LDAF1: variants seen among roughly 807,000 people sequenced by gnomAD.
The protein encoded by LDAF1 is PROMETHIN.
A neutral mutation model predicts 13.5 loss-of-function variants in LDAF1; 7 were observed. The observed-to-expected ratio is 0.52, with a 90% CI of 0.29 to 0.97. LDAF1 has a LOEUF of 0.97. Ranked by LOEUF, LDAF1 falls within the 50% of genes least tolerant of loss-of-function variation. The pLI, the probability that LDAF1 is intolerant of heterozygous loss-of-function variation, is 0.07. For synonymous variants in LDAF1, 69 were observed against 77.1 expected, an observed-to-expected ratio of 0.89 and a Z score of 0.55; for missense variants, 148 against 193.2, an observed-to-expected ratio of 0.77 and a Z score of 1.39.
At chr16:21,159,441 T>A in intron 1 of LDAF1, 1 of 1,613,370 alleles carries the variant, frequency 6.2e-7, no homozygotes, top group Non-Finnish European at 8.5e-7. Flanking sequence ...GTAGCTCCCA[T>A]CCCCCAACCA....
chr16:21,160,681 A>G (rs1421054437), intron 1 of LDAF1, among the ~76,000 whole-genome samples: 1 of 152,228 alleles, frequency 6.6e-6, no homozygotes, highest in African/African-American at 2.4e-5. Flanking sequence ...AGATAATACT[A>G]TTAACATTTT....
intron 3 of LDAF1, chr16:21,173,353 T>A (rs1316406405): frequency 6.6e-6 from 1 of 152,380 alleles, no homozygotes; most frequent in Admixed American, 6.6e-5. Context: ...CTCGAGGGGA[T>A]CCCTTTGGAA....
At chr16:21,171,566 A>C (rs938209606) in intron 3 of LDAF1, among the ~76,000 whole-genome samples, 1 of 152,184 alleles carries the variant, frequency 6.6e-6, no homozygotes, top group Non-Finnish European at 1.5e-5. Flanking sequence ...AAATTTATAG[A>C]GAAAGGAGAG....
intron 2 of LDAF1, among the ~76,000 whole-genome samples, chr16:21,168,571 AATATAATATATTT>A (rs975028400): frequency 5.6e-5 from 8 of 144,066 alleles, no homozygotes; most frequent in African/African-American, 7.6e-5. Context: ...TACATATATA[AATATAATATATTT>A]ATATAATATA....
chr16:21,159,831 T>A (rs1202248114), intron 1 of LDAF1: 1 of 873,770 alleles, frequency 1.1e-6, no homozygotes, highest in African/African-American at 1.8e-5. Flanking sequence ...AAAGGAGACC[T>A]GTAAGGGGAA....
intron 4 of LDAF1, among the ~76,000 whole-genome samples, chr16:21,176,480 A>G (rs779172591): frequency 1.3e-5 from 2 of 152,054 alleles, no homozygotes; most frequent in Admixed American, 6.6e-5. Flanking sequence ...ACATCTCTAC[A>G]AAAAATACAA....
chr16:21,169,246 C>T, intron 2 of LDAF1: 1 of 752,014 alleles, frequency 1.3e-6, no homozygotes, highest in Non-Finnish European at 1.6e-6. Context: ...TGCACGACAC[C>T]TGGGGAATCT....
intron 4 of LDAF1, chr16:21,177,093 A>G (rs2093145682): frequency 6.6e-6 from 1 of 152,208 alleles, no homozygotes; most frequent in Non-Finnish European, 1.5e-5. Context: ...ATATTTTCCA[A>G]AACAAAATGA....
intron 2 of LDAF1, among the ~76,000 whole-genome samples, chr16:21,163,913 G>A (rs980915355): frequency 1.2e-4 from 19 of 152,068 alleles, no homozygotes; most frequent in Admixed American, 1.1e-3. Flanking sequence ...TTTTGGCCAC[G>A]CTGATCTCCA....
chr16:21,178,303 C>T (rs1332180066), intron 4 of LDAF1: 1 of 985,254 alleles, frequency 1.0e-6, no homozygotes, highest in East Asian at 1.1e-4. Flanking sequence ...ACCAAACTCA[C>T]TACCCCATAT....
chr16:21,175,729 C>G (rs1039012582), intron 4 of LDAF1, among the ~76,000 whole-genome samples: 5 of 152,104 alleles, frequency 3.3e-5, no homozygotes, highest in African/African-American at 1.2e-4. Context: ...CAAAACAGCC[C>G]TTGAACTCCT....
chr16:21,159,651 G>C (rs560985498), intron 1 of LDAF1, among the ~76,000 whole-genome samples: 7 of 152,356 alleles, frequency 4.6e-5, no homozygotes, highest in Non-Finnish European at 7.4e-5. Context: ...CCCTTCTCGG[G>C]AGACAGCTCC....
In LDAF1 at chr16:21,161,289, A is replaced by AT; in HGVS notation, c.96+11_96+12insT. The AT allele has an allele frequency of 6.2e-7, 1 of 1,613,806 alleles. No homozygotes were observed. The highest frequency in any genetic ancestry group is 8.5e-7 in the Non-Finnish European group (1 of 1,179,986). On this transcript the variant is annotated intron_variant, in intron 2 of 4. Coordinates refer to ENST00000233047, the MANE Select transcript of LDAF1 (RefSeq NM_001301771.2). ...CAGAATAACTCAAAGGTCAGTTTCC[A>AT]ATCACTATGTATAATGGAAAATCCC...
At chr16:21,173,749 C>G (rs1375851886) in intron 3 of LDAF1, among the ~76,000 whole-genome samples, 1 of 152,026 alleles carries the variant, frequency 6.6e-6, no homozygotes, top group South Asian at 2.1e-4. Context: ...GCAAAGCAGC[C>G]CATGTGTGAT....
At chr16:21,177,852 A>C (rs929183253) in intron 4 of LDAF1, among the ~76,000 whole-genome samples, 2 of 152,016 alleles carry the variant, frequency 1.3e-5, no homozygotes, top group African/African-American at 4.8e-5. Flanking sequence ...TCCTGAGCTC[A>C]AGTGATCCAC....
rs1359854054 is a variant in LDAF1 at position 21,179,607 on chromosome 16, A to G, written c.*51A>G. 1 of 1,520,646 alleles carries G rather than the reference A, an allele frequency of 6.6e-7. No individual in the cohort carries two copies. The allele number at this position is 1,520,646 out of a possible 1,614,324, so 94.2% of individuals were successfully genotyped here. ...TTTCAAGTACTGCTGGATCATACTC[A>G]CCCCTTGGGATTATGGCTTAGAAGA... is the stretch of plus-strand genomic sequence containing the variant. On this transcript the variant is annotated 3_prime_UTR_variant, in exon 5 of 5. Coordinates refer to ENST00000233047, the MANE Select transcript of LDAF1 (RefSeq NM_001301771.2).
At chr16:21,176,019 A>G (rs776208015) in intron 4 of LDAF1, among the ~76,000 whole-genome samples, 1 of 152,208 alleles carries the variant, frequency 6.6e-6, no homozygotes, top group Non-Finnish European at 1.5e-5. Flanking sequence ...AACTGGAATT[A>G]TAGGCGTAAG....
chr16:21,178,488 T>A, intron 4 of LDAF1: 2 of 725,112 alleles, frequency 2.8e-6, no homozygotes, highest in Non-Finnish European at 3.4e-6. Flanking sequence ...TTTTATTGCT[T>A]AATGAAAAAC....
Position 21,173,993 on chromosome 16 carries a change from C to T in LDAF1, c.266-17C>T, listed in dbSNP as rs1411532179. On this transcript the variant is annotated splice_polypyrimidine_tract_variant and intron_variant, in intron 3 of 4. Coordinates refer to ENST00000233047, the MANE Select transcript of LDAF1 (RefSeq NM_001301771.2). ...TGTTTGAGATGAACCCTTCTCCTAACCACGTTCTCCTCCTAGGATTGGTCA... is the reference window on the plus strand; with the variant it reads ...TGTTTGAGATGAACCCTTCTCCTAATCACGTTCTCCTCCTAGGATTGGTCA... 1 of 1,607,090 alleles carries T rather than the reference C, an allele frequency of 6.2e-7. No homozygotes were observed. Among genetic ancestry groups the T allele is most frequent in the South Asian group, 1.1e-5 (1 of 89,582 alleles).
Sources: gnomAD v4.1 joint callset for allele counts (sites outside exome capture counted in the v4.1 genomes callset) on GRCh38, gnomAD v4.1.1 for gene constraint, MANE v1.5 for transcripts, NCBI Gene and HGNC (gene_info 2026-07-23, HGNC 2026-07-21) for gene names.